The following TEX2 variants were observed in gnomAD, a reference collection of about 807,000 sequenced individuals.
The protein encoded by TEX2 is testis-expressed protein 2.
TEX2 carries 53 observed loss-of-function variants against 106.9 expected under a neutral mutation model. The ratio of observed to expected loss-of-function variants is 0.50; its 90% CI spans 0.40 to 0.62. TEX2 has a LOEUF of 0.62. TEX2 is among the 20% of genes least tolerant of loss of function. TEX2 has a pLI of 0.00. For missense variants in TEX2, 1,207 were observed against 1,379.0 expected (o/e 0.88, Z 1.98); for synonymous variants, 523 against 534.8 (o/e 0.98, Z 0.30).
chr17:64,204,102 T>C (rs566428212), intron 2 of TEX2, among the ~76,000 whole-genome samples: 22 of 152,232 alleles, frequency 1.4e-4, no homozygotes, highest in Non-Finnish European at 2.8e-4. Flanking sequence ...AGGGTTAAAA[T>C]TGTAAGATAA....
rs562559717 is a variant in TEX2 at position 64,262,163 on chromosome 17, A to C, written c.-26+1005T>G. Among the ~76,000 whole-genome samples, 5 of 152,348 alleles carry C rather than the reference A, an allele frequency of 3.3e-5. No homozygotes were observed. The South Asian group carries it at 8.3e-4, about 25-fold the overall frequency. On this transcript the variant is annotated intron_variant, in intron 1 of 11. Coordinates refer to ENST00000584379, the MANE Select transcript of TEX2 (RefSeq NM_001288732.2). ...ATGGTGTGAAGACGCTGGCACTTCA[A>C]ACGTGAACGTGGCACGAGCCCTGCC... is the stretch of plus-strand genomic sequence containing the variant.
chr17:64,259,258 G>C (rs2143531382), intron 1 of TEX2, among the ~76,000 whole-genome samples: 1 of 152,272 alleles, frequency 6.6e-6, no homozygotes, highest in East Asian at 1.9e-4. Flanking sequence ...CCAGTCAAGG[G>C]CTTCTGAACT....
intron 5 of TEX2, among the ~76,000 whole-genome samples, chr17:64,184,416 G>C (rs1339444272): frequency 2.0e-5 from 3 of 151,994 alleles, no homozygotes; most frequent in African/African-American, 7.2e-5. Flanking sequence ...TGCTTAATCT[G>C]GTTATTTATC....
intron 8 of TEX2, among the ~76,000 whole-genome samples, chr17:64,159,271 A>C (rs546587343): frequency 6.6e-6 from 1 of 152,260 alleles, no homozygotes; most frequent in Non-Finnish European, 1.5e-5. Context: ...GCACAAACGC[A>C]TCTGCCTGAG....
chr17:64,202,326 G>A (rs1163715409), intron 2 of TEX2, among the ~76,000 whole-genome samples: 1 of 152,140 alleles, frequency 6.6e-6, no homozygotes, highest in African/African-American at 2.4e-5. Flanking sequence ...CCAGGTTGCA[G>A]ACTGGCCTTA....
chr17:64,238,918 C>A (rs1473746549), intron 1 of TEX2, among the ~76,000 whole-genome samples: 1 of 152,102 alleles, frequency 6.6e-6, no homozygotes, highest in African/African-American at 2.4e-5. Flanking sequence ...CTGATAAGCA[C>A]CAATTCACTA....
chr17:64,224,885 T>A (rs2033461417), intron 1 of TEX2, among the ~76,000 whole-genome samples: 1 of 140,828 alleles, frequency 7.1e-6, no homozygotes, highest in African/African-American at 2.5e-5. Flanking sequence ...GAAAACCAGG[T>A]CATGCGTTCA....
rs771635103 is a variant in TEX2 at position 64,174,015 on chromosome 17, A to AT, written c.2572-2817dup. Among the ~76,000 whole-genome samples the AT allele has an allele frequency of 3.5e-3, 519 of 146,744 alleles. 5 individuals carry two copies. Among genetic ancestry groups the AT allele is most frequent in the Middle Eastern group, 6.9e-3 (2 of 290 alleles). Reference sequence around the variant, plus strand: ...CATGTACCACTACCACGCTTGGATAATTTTTTTTTTTTGTAGAGACAGGGT... The same window carrying AT: ...CATGTACCACTACCACGCTTGGATAATTTTTTTTTTTTTGTAGAGACAGGGT... On this transcript the variant is annotated intron_variant, in intron 6 of 11. Transcript: ENST00000584379.
intron 1 of TEX2, among the ~76,000 whole-genome samples, chr17:64,247,879 C>T (rs572787661): frequency 2.1e-4 from 32 of 152,286 alleles, no homozygotes; most frequent in African/African-American, 7.2e-4. Context: ...TATTTCTCTT[C>T]CCCCTCCCCA....
At chr17:64,182,088 C>T (rs921786314) in intron 5 of TEX2, among the ~76,000 whole-genome samples, 2 of 152,008 alleles carry the variant, frequency 1.3e-5, no homozygotes, top group African/African-American at 2.4e-5. Flanking sequence ...AAGCACCCAC[C>T]GATGGAGGAA....
chr17:64,148,889 G>A lies in TEX2; in HGVS notation c.*80C>T, dbSNP rs929507593. The stretch of plus-strand genomic sequence containing the variant: ...AACAGTAGCTGTGGCACAGAGGCCA[G>A]TGCTACAGTACAGATGGCGGCCAAG... On this transcript the variant is annotated 3_prime_UTR_variant, in exon 12 of 12. Coordinates refer to ENST00000584379, the MANE Select transcript of TEX2 (RefSeq NM_001288732.2). 1 of 1,565,018 alleles carries A rather than the reference G, an allele frequency of 6.4e-7. No homozygotes were observed. Among genetic ancestry groups the A allele is most frequent in the African/African-American group, 1.4e-5 (1 of 73,712 alleles).
intron 5 of TEX2, among the ~76,000 whole-genome samples, chr17:64,182,016 A>G (rs9896542): frequency 0.69 from 104,335 of 151,870 alleles, 36,104 homozygotes; most frequent in East Asian, 0.83. Context: ...TCAAAACAAG[A>G]TATGTGTACA....
At chr17:64,175,725 C>T (rs2031592146) in intron 6 of TEX2, among the ~76,000 whole-genome samples, 2 of 152,218 alleles carry the variant, frequency 1.3e-5, no homozygotes, top group Non-Finnish European at 2.9e-5. Flanking sequence ...CACAGGTGTG[C>T]ACCAGCACTC....
intron 1 of TEX2, among the ~76,000 whole-genome samples, chr17:64,249,586 A>T (rs895005771): frequency 2.6e-5 from 4 of 152,240 alleles, no homozygotes; most frequent in Non-Finnish European, 5.9e-5. Context: ...TTAAAAAATC[A>T]TACAGACTTC....
chr17:64,173,032 T>C (rs8071495), intron 6 of TEX2, among the ~76,000 whole-genome samples: 108,177 of 151,860 alleles, frequency 0.71, 38,635 homozygotes, highest in East Asian at 0.82. Flanking sequence ...AGGGATCTAG[T>C]GTAATTTTTC....
chr17:64,193,677 T>C lies in TEX2; in HGVS notation c.2058A>G (p.Ile686Met). Reference sequence around the variant, plus strand: ...GGCCAGTTCTCCCAAAGAGATAGAGTATCTGATCTCGCTGGCTAGATCTTG... The same window carrying C: ...GGCCAGTTCTCCCAAAGAGATAGAGCATCTGATCTCGCTGGCTAGATCTTG... ...EGTRSSQRDQ[I>M]LYLFGRTGRE... Residue 686 changes from isoleucine to methionine, a missense_variant, in exon 4 of 12, where the codon ATA becomes ATG. Physicochemically the swap from Ile to Met is conservative, Grantham distance 10 (BLOSUM62 1). Transcript: ENST00000584379. The C allele has an allele frequency of 5.0e-6, 8 of 1,600,170 alleles. No individual in the cohort carries two copies. The highest frequency in any genetic ancestry group is 1.3e-5 in the African/African-American group (1 of 74,200).
At chr17:64,156,201 G>A (rs2030619586) in intron 8 of TEX2, 2 of 152,464 alleles carry the variant, frequency 1.3e-5, no homozygotes, top group South Asian at 4.1e-4. Context: ...GGAACTGAAG[G>A]CCCGGCAGTG....
intron 2 of TEX2, among the ~76,000 whole-genome samples, chr17:64,207,096 T>G (rs2032859279): frequency 6.6e-6 from 1 of 152,200 alleles, no homozygotes; most frequent in Non-Finnish European, 1.5e-5. Context: ...ACAAAAACTT[T>G]CCTTTTCTCC....
At chr17:64,220,685 A>C (rs2033333684) in intron 1 of TEX2, among the ~76,000 whole-genome samples, 1 of 152,238 alleles carries the variant, frequency 6.6e-6, no homozygotes, top group Non-Finnish European at 1.5e-5. Context: ...GACAATTATT[A>C]AAAAGTCAAG....
Sources: gnomAD v4.1 joint callset for allele counts (sites outside exome capture counted in the v4.1 genomes callset) on GRCh38, gnomAD v4.1.1 for gene constraint, MANE v1.5 for transcripts, NCBI Gene and HGNC (gene_info 2026-07-23, HGNC 2026-07-21) for gene names.